The following AGAP1 variants were observed in gnomAD, a reference collection of about 807,000 sequenced individuals.
AGAP1 encodes ArfGAP with GTPase domain, ankyrin repeat and PH domain 1.
Under a neutral mutation model 105.3 loss-of-function variants are expected in AGAP1, and 29 were observed. That is an observed-to-expected ratio of 0.28 (90% confidence interval 0.21 to 0.38). The LOEUF (loss-of-function observed/expected upper bound fraction) is 0.38. Among genes scored for constraint, AGAP1 ranks in the 10% least tolerant of loss-of-function variants. The probability of loss-of-function intolerance (pLI) is 1.00; values close to 1 mark genes in which losing one functional copy is unlikely to be tolerated. For missense variants in AGAP1, 998 were observed against 1,165.1 expected (o/e 0.86, Z 2.09); for synonymous variants, 509 against 485.9 (o/e 1.05, Z -0.63).
Position 235,866,016 on chromosome 2 carries a change from G to T in AGAP1, c.1051-17329G>T, listed in dbSNP as rs1239351928. 6.6e-6 allele frequency among the ~76,000 whole-genome samples: 1 copy of T among 152,186 alleles called. No individual in the cohort carries two copies. Among genetic ancestry groups the T allele is most frequent in the African/African-American group, 2.4e-5 (1 of 41,448 alleles). Reference sequence around the variant, plus strand: ...AAGCTGTCTCGATCCATGTATGTCTGTGTATCTGCGGTCTGGTCATTTTTG... The same window carrying T: ...AAGCTGTCTCGATCCATGTATGTCTTTGTATCTGCGGTCTGGTCATTTTTG... On this transcript the variant is annotated intron_variant, in intron 9 of 17. Transcript: ENST00000304032. This position sits in a 1 kb window ranked among gnomAD's most constrained non-coding sequence, Gnocchi z 6.1.
chr2:235,686,650 TATATATATATA>T (rs1559350989), intron 1 of AGAP1, among the ~76,000 whole-genome samples: 11 of 45,922 alleles, frequency 2.4e-4, no homozygotes, highest in East Asian at 1.1e-3. Context: ...TATATAGATA[TATATATATATA>T]TATATTTTTT....
At chr2:235,890,135 A>G (rs748644894) in intron 10 of AGAP1, among the ~76,000 whole-genome samples, 31 of 145,826 alleles carry the variant, frequency 2.1e-4, no homozygotes, top group Admixed American at 4.8e-4. Flanking sequence ...GGAGGAAGTG[A>G]TGGTAGATTT....
Position 235,799,485 on chromosome 2 carries a change from T to C in AGAP1, c.920T>C (p.Val307Ala), listed in dbSNP as rs965444369. 3 of 1,614,062 alleles carry C rather than the reference T, an allele frequency of 1.9e-6. No individual in the cohort carries two copies. The African/African-American group carries it at 4.0e-5, about 22-fold the overall frequency. ...VPPTANTPTP[V>A]RKQSKRRSNL... ...CCCACTGCCAACACGCCCACGCCCG[T>C]TCGCAAGCAGTCTAAGCGCCGGTCC... Residue 307 changes from valine to alanine, a missense_variant, in exon 8 of 18, where the codon GTT becomes GCT. Coordinates refer to ENST00000304032, the MANE Select transcript of AGAP1 (RefSeq NM_001037131.3). The surrounding 1 kb of genome is among the most constrained non-coding windows in gnomAD (Gnocchi z 5.0).
intron 3 of AGAP1, among the ~76,000 whole-genome samples, chr2:235,726,084 A>G (rs1951629347): frequency 6.6e-6 from 1 of 152,226 alleles, no homozygotes; most frequent in African/African-American, 2.4e-5. Context: ...AATTAATTTG[A>G]CAAGAAATCC....
chr2:235,538,286 G>C (rs150363203), intron 1 of AGAP1, among the ~76,000 whole-genome samples: 47 of 152,312 alleles, frequency 3.1e-4, no homozygotes, highest in African/African-American at 1.1e-3. Flanking sequence ...TATTGTGTCT[G>C]TGGGGCTGCT....
At chr2:235,694,358 A>G (rs1259715290) in intron 1 of AGAP1, among the ~76,000 whole-genome samples, 1 of 151,942 alleles carries the variant, frequency 6.6e-6, no homozygotes, top group Non-Finnish European at 1.5e-5. Flanking sequence ...GGGCGCATGT[A>G]TTCCCAGCTA....
Position 235,740,294 on chromosome 2 carries a change from C to T in AGAP1, c.311-669C>T, listed in dbSNP as rs1286314385. Among the ~76,000 whole-genome samples, 1 of 152,098 alleles carries T rather than the reference C, an allele frequency of 6.6e-6. No individual in the cohort carries two copies. Among genetic ancestry groups the T allele is most frequent in the East Asian group, 1.9e-4 (1 of 5,164 alleles). On this transcript the variant is annotated intron_variant, in intron 3 of 17. Transcript: ENST00000304032. The surrounding 1 kb of genome is among the most constrained non-coding windows in gnomAD (Gnocchi z 5.7). ...GCCCGCACCCCCTCCTCATGGTCACCTCTGTTCCTGCAGGGTCCCGGTGGT... is the reference window on the plus strand; with the variant it reads ...GCCCGCACCCCCTCCTCATGGTCACTTCTGTTCCTGCAGGGTCCCGGTGGT...
At chr2:236,097,831 C>T (rs984072663) in intron 16 of AGAP1, among the ~76,000 whole-genome samples, 2 of 152,146 alleles carry the variant, frequency 1.3e-5, no homozygotes, top group African/African-American at 4.8e-5. Flanking sequence ...TCCCACTTCC[C>T]CTGGCCCCCA....
At chr2:235,680,358 T>G (rs2149395004) in intron 1 of AGAP1, among the ~76,000 whole-genome samples, 1 of 150,620 alleles carries the variant, frequency 6.6e-6, no homozygotes, top group African/African-American at 2.4e-5. Flanking sequence ...AGGGCAGGGG[T>G]TTGAGTGTGA....
intron 1 of AGAP1, among the ~76,000 whole-genome samples, chr2:235,647,337 A>T (rs1947426609): frequency 6.6e-6 from 1 of 152,164 alleles, no homozygotes; most frequent in Non-Finnish European, 1.5e-5. Context: ...CTCAGATCAG[A>T]TTGAAGCCTT....
Position 235,494,637 on chromosome 2 carries a change from CGGGGCGGCGGCGGCGG to C in AGAP1, c.-43_-28del. The C allele has an allele frequency of 2.1e-6, 2 of 968,806 alleles. No individual in the cohort carries two copies. Among genetic ancestry groups the C allele is most frequent in the Non-Finnish European group, 2.4e-6 (2 of 818,218 alleles). The allele number at this position is 968,806 out of a possible 1,614,324, so 60.0% of individuals were successfully genotyped here. On this transcript the variant is annotated 5_prime_UTR_variant, in exon 1 of 18. Transcript: ENST00000304032. ...TCGGCGGCCCGCGGGCCCCGGGGCGCGGGGCGGCGGCGGCGGGGGGCGCGCGGCTCCGGGCGCGGCG... is the reference window on the plus strand; with the variant it reads ...TCGGCGGCCCGCGGGCCCCGGGGCGCGGGGCGCGCGGCTCCGGGCGCGGCG...
At chr2:235,852,630 C>A (rs1011491103) in intron 9 of AGAP1, 20 of 1,377,006 alleles carry the variant, frequency 1.5e-5, no homozygotes, top group Middle Eastern at 1.9e-4. Context: ...TTAGCCATAA[C>A]CCTCATCAGA....
At chr2:235,878,515 C>CGGG (rs1197456316) in intron 9 of AGAP1, among the ~76,000 whole-genome samples, 1 of 152,080 alleles carries the variant, frequency 6.6e-6, no homozygotes, top group Non-Finnish European at 1.5e-5. Context: ...CAGCCCTGGG[C>CGGG]ACCCCGTTCC....
At chr2:235,896,256 T>C (rs2050802153) in intron 10 of AGAP1, among the ~76,000 whole-genome samples, 2 of 152,212 alleles carry the variant, frequency 1.3e-5, no homozygotes, top group Admixed American at 6.5e-5. Flanking sequence ...TCAAGATTCT[T>C]CCAGTTGTAG....
In AGAP1 at chr2:235,919,643, C is replaced by G. The variant is rs1225842527; in HGVS notation, c.1324+10737C>G. Among the ~76,000 whole-genome samples, 4 of 152,106 alleles carry G rather than the reference C, an allele frequency of 2.6e-5. No individual in the cohort carries two copies. The highest frequency in any genetic ancestry group is 9.7e-5 in the African/African-American group (4 of 41,410). ...GCTCCTGGAAGGGGACTGTAAAATT[C>G]AGAGATGACCGGGGAACGCTCCCCT... On this transcript the variant is annotated intron_variant, in intron 11 of 17. Transcript: ENST00000304032. This position sits in a 1 kb window ranked among gnomAD's most constrained non-coding sequence, Gnocchi z 4.1.
intron 1 of AGAP1, among the ~76,000 whole-genome samples, chr2:235,512,933 G>A (rs927456539): frequency 1.3e-5 from 2 of 152,202 alleles, no homozygotes; most frequent in Non-Finnish European, 2.9e-5. Flanking sequence ...AGGGCTCCCG[G>A]CCGGCCTAGG....
chr2:235,941,850 G>GT (rs986599075), intron 12 of AGAP1, among the ~76,000 whole-genome samples: 20 of 29,334 alleles, frequency 6.8e-4, no homozygotes, highest in African/African-American at 1.4e-3. Flanking sequence ...CTTTGTTGTT[G>GT]GGGGGGTAAG....
In AGAP1 at chr2:236,089,076, G is replaced by A. The variant is rs894446318; in HGVS notation, c.2115-31116G>A. Among the ~76,000 whole-genome samples the A allele has an allele frequency of 1.3e-5, 2 of 152,196 alleles. No individual in the cohort carries two copies. Among genetic ancestry groups the A allele is most frequent in the Non-Finnish European group, 2.9e-5 (2 of 68,026 alleles). On this transcript the variant is annotated intron_variant, in intron 16 of 17. Coordinates refer to ENST00000304032, the MANE Select transcript of AGAP1 (RefSeq NM_001037131.3). The surrounding 1 kb of genome is among the most constrained non-coding windows in gnomAD (Gnocchi z 5.6). Reference sequence around the variant, plus strand: ...TCCATCACGTGAAGGAGTAGAAAAAGTGGGATGCCACAGTTGCGGCAGAGA... The same window carrying A: ...TCCATCACGTGAAGGAGTAGAAAAAATGGGATGCCACAGTTGCGGCAGAGA...
At chr2:236,108,137 C>T (rs906582822) in intron 16 of AGAP1, among the ~76,000 whole-genome samples, 1 of 152,250 alleles carries the variant, frequency 6.6e-6, no homozygotes, top group East Asian at 1.9e-4. Flanking sequence ...CGTCCCTCCG[C>T]CTGACCCCCT....
Sources: allele counts gnomAD v4.1 joint callset (sites outside exome capture counted in the v4.1 genomes callset), GRCh38; gene constraint gnomAD v4.1.1; non-coding constraint Gnocchi (gnomAD v3.1); transcripts MANE v1.5; gene names NCBI Gene and HGNC (gene_info 2026-07-23, HGNC 2026-07-21).